PALD1: variants seen among roughly 807,000 people sequenced by gnomAD.
The protein encoded by PALD1 is paladin.
In PALD1, 57 loss-of-function variants were observed where a neutral mutation model predicts 96.0. The ratio of observed to expected loss-of-function variants is 0.59; its 90% CI spans 0.48 to 0.74. The LOEUF is 0.74. Among genes scored for constraint, PALD1 ranks in the 30% least tolerant of loss-of-function variants. The pLI, the probability that PALD1 is intolerant of heterozygous loss-of-function variation, is 0.00. For missense variants in PALD1, 1,063 were observed against 1,143.7 expected, an observed-to-expected ratio of 0.93 and a Z score of 1.02; for synonymous variants, 464 against 473.6, an observed-to-expected ratio of 0.98 and a Z score of 0.26.
intron 1 of PALD1, among the ~76,000 whole-genome samples, chr10:70,523,075 A>G (rs1846770763): frequency 6.6e-6 from 1 of 152,176 alleles, no homozygotes; most frequent in Non-Finnish European, 1.5e-5. Context: ...CTTGATTTTC[A>G]AAGGACATTG....
chr10:70,482,297 T>C (rs1845945751), intron 1 of PALD1, among the ~76,000 whole-genome samples: 1 of 152,166 alleles, frequency 6.6e-6, no homozygotes, highest in South Asian at 2.1e-4. Context: ...TTGGGCCTGC[T>C]GACTGCTGGG....
intron 1 of PALD1, among the ~76,000 whole-genome samples, chr10:70,491,626 A>G (rs7914811): frequency 0.098 from 14,904 of 152,188 alleles, 918 homozygotes; most frequent in South Asian, 0.17. Context: ...ACCCTTTTAA[A>G]GTGTACAGTT....
At chr10:70,490,082 C>G (rs1032838952) in intron 1 of PALD1, among the ~76,000 whole-genome samples, 1 of 152,114 alleles carries the variant, frequency 6.6e-6, no homozygotes, top group African/African-American at 2.4e-5. Context: ...GCCACCATGC[C>G]CAGCTAATTT....
chr10:70,483,859 T>G (rs766818158), intron 1 of PALD1, among the ~76,000 whole-genome samples: 18 of 152,214 alleles, frequency 1.2e-4, no homozygotes, highest in Admixed American at 3.3e-4. Context: ...TTAGGATCAC[T>G]GTTTTATTGT....
At chr10:70,529,032 C>T (rs1360051404) in intron 2 of PALD1, among the ~76,000 whole-genome samples, 197 bp from the exon 3 acceptor site, 1 of 152,090 alleles carries the variant, frequency 6.6e-6, no homozygotes, top group Admixed American at 6.6e-5. Flanking sequence ...CTGGGTGGCT[C>T]AGTCCTCAGT....
At chr10:70,477,504 G>A (rs964557721), upstream of PALD1, among the ~76,000 whole-genome samples, 1 of 152,182 alleles carries the variant, frequency 6.6e-6, no homozygotes, top group African/African-American at 2.4e-5. Flanking sequence ...CTTGGGTGGC[G>A]CAGGAGCAGG....
chr10:70,486,207 A>C (rs2132261291), intron 1 of PALD1: 1 of 159,232 alleles, frequency 6.3e-6, no homozygotes, highest in Non-Finnish European at 1.5e-5. Flanking sequence ...CAAAGTCAAT[A>C]TCTTTTTTTT....
At chr10:70,481,413 T>C (rs926490441) in intron 1 of PALD1, among the ~76,000 whole-genome samples, 6 of 152,314 alleles carry the variant, frequency 3.9e-5, no homozygotes, top group African/African-American at 1.4e-4. Context: ...GACTCTCACT[T>C]TGGGGTTTGA....
rs372381687 is a variant in PALD1 at position 70,565,183 on chromosome 10, G to A, written c.2418+664G>A. Reference sequence around the variant, plus strand: ...GAGGCAGAGACTGAGCACAGAGAGGGTGGGTGACTTGTTCAAGGTTGGCAT... The same window carrying A: ...GAGGCAGAGACTGAGCACAGAGAGGATGGGTGACTTGTTCAAGGTTGGCAT... On this transcript the variant is annotated intron_variant, in intron 19 of 19. Transcript: ENST00000263563. Among the ~76,000 whole-genome samples the A allele has an allele frequency of 8.9e-4, 136 of 152,322 alleles. 3 individuals are homozygous for A. In the South Asian group the frequency reaches 0.027, roughly 30 times the overall value.
In PALD1 at chr10:70,539,856, C is replaced by T. The variant is rs1443877249; in HGVS notation, c.1908+94C>T. 5 of 1,151,828 alleles carry T rather than the reference C, an allele frequency of 4.3e-6. No individual in the cohort carries two copies. The Admixed American group carries it at 7.3e-5, about 17-fold the overall frequency. 71.4% of individuals were successfully genotyped at this position (1,151,828 alleles called of 1,614,324 possible). ...GGGCTCTGGGAGAATGAAACGACCCCAGCTTCTCTACGGGGCCCGGGAATG... is the reference window on the plus strand; with the variant it reads ...GGGCTCTGGGAGAATGAAACGACCCTAGCTTCTCTACGGGGCCCGGGAATG... On this transcript the variant is annotated intron_variant, in intron 15 of 19. Transcript: ENST00000263563. This position sits in a 1 kb window ranked among gnomAD's most constrained non-coding sequence, Gnocchi z 4.5.
At chr10:70,477,080 A>C (rs1363560188), upstream of PALD1, among the ~76,000 whole-genome samples, 1 of 152,128 alleles carries the variant, frequency 6.6e-6, no homozygotes, top group African/African-American at 2.4e-5. Flanking sequence ...CTGCTCACAC[A>C]CATGTTGCTC....
intron 12 of PALD1, 42 bp from the exon 13 acceptor site, chr10:70,538,850 A>C (rs991113003): frequency 1.3e-6 from 2 of 1,542,152 alleles, no homozygotes; most frequent in Non-Finnish European, 1.8e-6. Context: ...CTGCGGCTAC[A>C]GTCGGCTGCT....
intron 10 of PALD1, among the ~76,000 whole-genome samples, chr10:70,535,180 T>C (rs922024499): frequency 6.6e-6 from 1 of 152,206 alleles, no homozygotes; most frequent in Non-Finnish European, 1.5e-5. Context: ...GGTGTTTCTT[T>C]GGGAAGACTG....
chr10:70,512,360 T>C (rs1341572312), intron 1 of PALD1, among the ~76,000 whole-genome samples: 3 of 151,974 alleles, frequency 2.0e-5, no homozygotes, highest in Non-Finnish European at 4.4e-5. Flanking sequence ...AGGGCTTGAG[T>C]CTCTCACAGA....
intron 7 of PALD1, 65 bp from the exon 8 acceptor site, chr10:70,533,857 C>T: frequency 7.0e-7 from 1 of 1,422,618 alleles, no homozygotes; most frequent in African/African-American, 1.5e-5. Context: ...GCTTTTCTCC[C>T]TGCTCAGGCC....
chr10:70,476,221 C>T (rs1213765146), upstream of PALD1, among the ~76,000 whole-genome samples: 2 of 152,212 alleles, frequency 1.3e-5, no homozygotes, highest in African/African-American at 4.8e-5. Flanking sequence ...GAATCTTCTG[C>T]TGCAGTTTGA....
At chr10:70,520,104 G>C (rs1309605826) in intron 1 of PALD1, among the ~76,000 whole-genome samples, 7 of 152,152 alleles carry the variant, frequency 4.6e-5, no homozygotes, top group Admixed American at 3.9e-4. Context: ...TGTGCCAGAG[G>C]GTCTGGGATT....
chr10:70,483,138 G>C (rs60193890), intron 1 of PALD1, among the ~76,000 whole-genome samples: 1 of 152,066 alleles, frequency 6.6e-6, no homozygotes, highest in African/African-American at 2.4e-5. Context: ...GGAGCCTGAG[G>C]GAGGGAATGG....
At chr10:70,473,949 G>GA (rs1845792619), upstream of PALD1, among the ~76,000 whole-genome samples, 1 of 151,744 alleles carries the variant, frequency 6.6e-6, no homozygotes, top group African/African-American at 2.4e-5. Flanking sequence ...CACAGTACCC[G>GA]GCCTGACTGA....
Sources: gnomAD v4.1 joint callset for allele counts (sites outside exome capture counted in the v4.1 genomes callset) on GRCh38, gnomAD v4.1.1 for gene constraint, Gnocchi (gnomAD v3.1) non-coding constraint, MANE v1.5 for transcripts, NCBI Gene and HGNC (gene_info 2026-07-23, HGNC 2026-07-21) for gene names.